HS6ST3: variants seen among roughly 807,000 people sequenced by gnomAD.
The protein encoded by HS6ST3 is heparan sulfate 6-O-sulfotransferase 3, also known as heparan-sulfate 6-O-sulfotransferase 3.
HS6ST3 carries 12 observed loss-of-function variants against 36.7 expected under a neutral mutation model. The observed-to-expected ratio is 0.33, with a 90% confidence interval of 0.21 to 0.53. The LOEUF is 0.53. HS6ST3 is among the 20% of genes least tolerant of loss of function. The probability of loss-of-function intolerance (pLI) is 0.95; values close to 1 mark genes in which losing one functional copy is unlikely to be tolerated. For missense variants in HS6ST3, 584 were observed against 640.9 expected, an observed-to-expected ratio of 0.91 and a Z score of 0.96; for synonymous variants, 240 against 257.5, an observed-to-expected ratio of 0.93 and a Z score of 0.65.
At chr13:96,482,472 C>T (rs542781673) in intron 1 of HS6ST3, among the ~76,000 whole-genome samples, 197 of 147,464 alleles carry the variant, frequency 1.3e-3, no homozygotes, top group African/African-American at 4.5e-3. Flanking sequence ...TTTTTTTTTC[C>T]GTAAAGCCTA....
chr13:96,096,382 A>G (rs1017911560), intron 1 of HS6ST3, among the ~76,000 whole-genome samples: 3 of 152,230 alleles, frequency 2.0e-5, no homozygotes, highest in Non-Finnish European at 1.5e-5. Flanking sequence ...ATGTCTGGGT[A>G]ACTACTGATG....
chr13:96,114,116 ATTTCT>A (rs1361109093), intron 1 of HS6ST3, among the ~76,000 whole-genome samples: 1 of 151,436 alleles, frequency 6.6e-6, no homozygotes, highest in Admixed American at 6.6e-5. Context: ...GGTAATTTTA[ATTTCT>A]TTTCTATTTT....
At chr13:96,443,545 A>AAG (rs2055684117) in intron 1 of HS6ST3, among the ~76,000 whole-genome samples, 2 of 151,836 alleles carry the variant, frequency 1.3e-5, no homozygotes. Context: ...AAAAAAAAAA[A>AAG]AAAAGCAGAC....
intron 1 of HS6ST3, among the ~76,000 whole-genome samples, chr13:96,704,733 G>T (rs1335349435): frequency 6.6e-6 from 1 of 152,074 alleles, no homozygotes; most frequent in Non-Finnish European, 1.5e-5. Flanking sequence ...GTGGCAGGGA[G>T]ACTGACTCAG....
rs149550186 is a variant in HS6ST3 at position 96,558,972 on chromosome 13, G to A, written c.708-273518G>A. ...ACAAAAGATGGAGAATGGTGGGCTT[G>A]TGTTTTTTTAAATCATATTTTGACT... On this transcript the variant is annotated intron_variant, in intron 1 of 1. Coordinates refer to ENST00000376705, the MANE Select transcript of HS6ST3 (RefSeq NM_153456.4). 7.8e-3 allele frequency among the ~76,000 whole-genome samples: 1,180 copies of A among 152,172 alleles called. 19 individuals carry two copies. The highest frequency in any genetic ancestry group is 0.026 in the African/African-American group (1,091 of 41,518).
intron 1 of HS6ST3, among the ~76,000 whole-genome samples, chr13:96,341,514 T>G: frequency 6.6e-6 from 1 of 152,154 alleles, no homozygotes; most frequent in East Asian, 1.9e-4. Flanking sequence ...CTCTAACAAA[T>G]TCCCTATGTG....
chr13:96,315,514 A>G (rs1205597343), intron 1 of HS6ST3, among the ~76,000 whole-genome samples: 3 of 152,208 alleles, frequency 2.0e-5, no homozygotes, highest in Admixed American at 6.5e-5. Flanking sequence ...TCTTTCAGAG[A>G]CTAAAAATGA....
chr13:96,625,505 C>T (rs1200735565), intron 1 of HS6ST3, among the ~76,000 whole-genome samples: 2 of 152,078 alleles, frequency 1.3e-5, no homozygotes, highest in East Asian at 1.9e-4. Flanking sequence ...TTCCATAGCT[C>T]CATACTGTTT....
At chr13:96,642,592 T>G (rs2056574159) in intron 1 of HS6ST3, among the ~76,000 whole-genome samples, 1 of 151,920 alleles carries the variant, frequency 6.6e-6, no homozygotes, top group Admixed American at 6.6e-5. Flanking sequence ...ATTCTTTCTG[T>G]TTCCTACCTA....
intron 1 of HS6ST3, among the ~76,000 whole-genome samples, chr13:96,464,789 T>C (rs1469385122): frequency 6.6e-6 from 1 of 152,126 alleles, no homozygotes; most frequent in Non-Finnish European, 1.5e-5. Flanking sequence ...CCATCAACCA[T>C]AACAGTTTTT....
intron 1 of HS6ST3, among the ~76,000 whole-genome samples, chr13:96,765,828 C>CAGAAAGAGATG (rs1432488829): frequency 6.6e-6 from 1 of 151,898 alleles, no homozygotes; most frequent in Non-Finnish European, 1.5e-5. Flanking sequence ...AAACAGGTCT[C>CAGAAAGAGATG]AGAAAGAGAT....
chr13:96,242,829 T>G (rs1239277650), intron 1 of HS6ST3, among the ~76,000 whole-genome samples: 4 of 152,168 alleles, frequency 2.6e-5, no homozygotes, highest in East Asian at 1.9e-4. Context: ...CTGGATTGCT[T>G]CTTTTCAATT....
intron 1 of HS6ST3, among the ~76,000 whole-genome samples, chr13:96,268,088 C>A (rs533941855): frequency 4.6e-5 from 7 of 151,884 alleles, no homozygotes; most frequent in Admixed American, 1.3e-4. Context: ...GAGGGCTCTA[C>A]TCTCATGATT....
intron 1 of HS6ST3, among the ~76,000 whole-genome samples, chr13:96,142,556 C>T (rs1000442272): frequency 5.3e-5 from 8 of 152,062 alleles, no homozygotes; most frequent in Non-Finnish European, 7.4e-5. Flanking sequence ...ATAATGTTCA[C>T]AAGTACATGC....
chr13:96,430,261 A>C (rs551991983), intron 1 of HS6ST3, among the ~76,000 whole-genome samples: 36 of 152,264 alleles, frequency 2.4e-4, no homozygotes, highest in African/African-American at 8.7e-4. Flanking sequence ...TAATGCCTAC[A>C]TCTCGTAGGT....
intron 1 of HS6ST3, among the ~76,000 whole-genome samples, chr13:96,108,019 A>C (rs2053849868): frequency 6.6e-6 from 1 of 152,216 alleles, no homozygotes; most frequent in South Asian, 2.1e-4. Flanking sequence ...AGCAATGTTC[A>C]GGGAACAAGG....
At chr13:96,183,205 G>C (rs1317335143) in intron 1 of HS6ST3, among the ~76,000 whole-genome samples, 2 of 151,912 alleles carry the variant, frequency 1.3e-5, no homozygotes, top group Non-Finnish European at 2.9e-5. Context: ...TTTTTGGCGG[G>C]GGGGAAGTCT....
At chr13:96,406,527 C>T (rs747763921) in intron 1 of HS6ST3, among the ~76,000 whole-genome samples, 15 of 152,214 alleles carry the variant, frequency 9.9e-5, no homozygotes, top group Admixed American at 3.9e-4. Flanking sequence ...TTTTAGCTAT[C>T]ATTTGCATTT....
intron 1 of HS6ST3, among the ~76,000 whole-genome samples, chr13:96,628,638 G>A (rs544718842): frequency 6.6e-6 from 1 of 152,146 alleles, no homozygotes; most frequent in East Asian, 1.9e-4. Context: ...ATTTTTCAAA[G>A]CATATAATTC....
Sources: gnomAD v4.1 joint callset for allele counts (sites outside exome capture counted in the v4.1 genomes callset) on GRCh38, gnomAD v4.1.1 for gene constraint, MANE v1.5 for transcripts, NCBI Gene and HGNC (gene_info 2026-07-23, HGNC 2026-07-21) for gene names.